ZPBP: variants seen among roughly 807,000 people sequenced by gnomAD.
The protein encoded by ZPBP is zona pellucida-binding protein 1.
ZPBP carries 26 observed loss-of-function variants against 44.8 expected under a neutral mutation model. The observed-to-expected ratio is 0.58, with a 90% confidence interval of 0.43 to 0.81. The LOEUF (loss-of-function observed/expected upper bound fraction) is 0.81, where lower values mean the gene tolerates loss of function less well. Among genes scored for constraint, ZPBP ranks in the 30% least tolerant of loss-of-function variants. ZPBP has a pLI of 0.00. For missense variants in ZPBP, 409 were observed against 434.0 expected, an observed-to-expected ratio of 0.94 and a Z score of 0.51; for synonymous variants, 174 against 153.2, an observed-to-expected ratio of 1.14 and a Z score of -1.00.
chr7:49,859,249 GTTC>G (rs1473080945), intron 2 of ZPBP, among the ~76,000 whole-genome samples: 5 of 152,132 alleles, frequency 3.3e-5, no homozygotes, highest in African/African-American at 9.7e-5. Context: ...CATTTGGGGG[GTTC>G]TTCTTTTCAG....
At chr7:49,963,046 G>C (rs936684373) in intron 7 of ZPBP, among the ~76,000 whole-genome samples, 2 of 151,356 alleles carry the variant, frequency 1.3e-5, no homozygotes, top group Non-Finnish European at 3.0e-5. Flanking sequence ...AAAAGATACA[G>C]GAAAGGATTT....
chr7:49,843,293 C>T, the ZPBP span, among the ~76,000 whole-genome samples: 14 of 152,270 alleles, frequency 9.2e-5, no homozygotes, highest in East Asian at 2.7e-3. Context: ...CATGGGTGAG[C>T]CCCTTTCCTG....
At chr7:49,883,029 C>T (rs1397319657) in intron 2 of ZPBP, among the ~76,000 whole-genome samples, 2 of 152,020 alleles carry the variant, frequency 1.3e-5, no homozygotes, top group Admixed American at 1.3e-4. Flanking sequence ...GATTAACATT[C>T]CCTCTTCCTC....
At chr7:50,005,335 A>G (rs950545181) in intron 6 of ZPBP, among the ~76,000 whole-genome samples, 6 of 152,090 alleles carry the variant, frequency 3.9e-5, no homozygotes, top group Middle Eastern at 3.4e-3. Context: ...AATTCTGTAA[A>G]CAAAAATATA....
At chr7:49,900,938 T>C (rs1792690780) in intron 2 of ZPBP, among the ~76,000 whole-genome samples, 1 of 151,840 alleles carries the variant, frequency 6.6e-6, no homozygotes, top group Non-Finnish European at 1.5e-5. Context: ...TTATCCCAGG[T>C]ATGCCTTAAT....
chr7:49,841,309 C>CTT, the ZPBP span, among the ~76,000 whole-genome samples: 1 of 145,808 alleles, frequency 6.9e-6, no homozygotes, highest in African/African-American at 2.5e-5. Context: ...TTACACATTA[C>CTT]TTTTTTTTTT....
At chr7:50,084,239 G>T (rs1802512359) in intron 2 of ZPBP, among the ~76,000 whole-genome samples, 1 of 151,664 alleles carries the variant, frequency 6.6e-6, no homozygotes, top group Non-Finnish European at 1.5e-5. Context: ...GTGTGAACTG[G>T]TGCAGCCTTT....
chr7:49,985,100 T>A (rs1216680022), intron 6 of ZPBP, among the ~76,000 whole-genome samples: 2 of 152,202 alleles, frequency 1.3e-5, no homozygotes, highest in African/African-American at 4.8e-5. Context: ...GATGGAATGG[T>A]ACCCTGTCCA....
chr7:49,995,078 G>A (rs745940455), intron 6 of ZPBP, among the ~76,000 whole-genome samples: 144 of 152,094 alleles, frequency 9.5e-4, no homozygotes, highest in Non-Finnish European at 1.7e-3. Flanking sequence ...GAGGCAGAAG[G>A]TCCCCAAATT....
At chr7:50,006,027 A>G (rs1798296195) in intron 6 of ZPBP, among the ~76,000 whole-genome samples, 1 of 151,910 alleles carries the variant, frequency 6.6e-6, no homozygotes, top group South Asian at 2.1e-4. Context: ...AAAAACAGAC[A>G]AGTCAAAAAA....
intron 2 of ZPBP, among the ~76,000 whole-genome samples, chr7:49,887,396 C>A (rs538883732): frequency 2.6e-5 from 4 of 152,298 alleles, no homozygotes; most frequent in African/African-American, 9.6e-5. Flanking sequence ...GAATGACAGA[C>A]AAAGATATTG....
At chr7:49,943,942 G>A (rs1251132752) in intron 7 of ZPBP, 3 of 321,558 alleles carry the variant, frequency 9.3e-6, no homozygotes, top group South Asian at 6.5e-5. Context: ...GGACATTTCA[G>A]CATTTTCTAG....
chr7:49,852,461 A>G lies in ZPBP; in HGVS notation n.510-1947T>C, dbSNP rs925750394. On this transcript the variant is annotated intron_variant and non_coding_transcript_variant, in intron 2 of 2. Coordinates refer to the ZPBP transcript ENST00000465922. ...TAGAAATCTGATTTGTGCATGGCCT[A>G]GCCCTTTAGGGAGATAATTTCTTTC... Among the ~76,000 whole-genome samples the G allele has an allele frequency of 4.6e-5, 7 of 152,352 alleles. No individual in the cohort carries two copies. In the East Asian group the frequency reaches 1.3e-3, roughly 29 times the overall value.
chr7:49,935,466 T>C (rs1161289855), downstream of ZPBP, among the ~76,000 whole-genome samples: 2 of 152,138 alleles, frequency 1.3e-5, no homozygotes. Flanking sequence ...TGGCGTGATC[T>C]CAGCTCACTG....
chr7:50,012,544 T>C (rs932092208), intron 6 of ZPBP, among the ~76,000 whole-genome samples: 5 of 151,576 alleles, frequency 3.3e-5, no homozygotes, highest in African/African-American at 1.2e-4. Context: ...TTAACAAATA[T>C]AATGCAGATA....
chr7:49,919,717 G>A (rs1194918529), intron 1 of ZPBP: 1 of 152,334 alleles, frequency 6.6e-6, no homozygotes, highest in Non-Finnish European at 1.5e-5. Context: ...CAGCAATGGT[G>A]AAGGTTGTGG....
At chr7:49,943,390 T>A (rs1184282970) in intron 7 of ZPBP, 3 of 386,320 alleles carry the variant, frequency 7.8e-6, no homozygotes, top group African/African-American at 6.4e-5. Context: ...AGGTAATGTA[T>A]TTCCAGATAT....
intron 5 of ZPBP, among the ~76,000 whole-genome samples, chr7:50,030,355 C>T (rs538568432): frequency 2.0e-5 from 3 of 151,834 alleles, no homozygotes; most frequent in Admixed American, 6.6e-5. Context: ...GAAAATGAGG[C>T]TGAACTTGTT....
chr7:49,991,803 GT>G (rs1797586152), intron 6 of ZPBP, among the ~76,000 whole-genome samples: 1 of 151,926 alleles, frequency 6.6e-6, no homozygotes. Context: ...TTTTAGCCTT[GT>G]GGTGTCCTAG....
Sources: allele counts gnomAD v4.1 joint callset (sites outside exome capture counted in the v4.1 genomes callset), GRCh38; gene constraint gnomAD v4.1.1; transcripts MANE v1.5; gene names NCBI Gene and HGNC (gene_info 2026-07-23, HGNC 2026-07-21).